Variants in PRKX observed in about 807,000 individuals in gnomAD.
PRKX encodes cAMP-dependent protein kinase catalytic subunit PRKX.
Under a neutral mutation model 22.0 loss-of-function variants are expected in PRKX, and 12 were observed. The ratio of observed to expected loss-of-function variants is 0.54; its 90% confidence interval spans 0.35 to 0.88. The LOEUF (loss-of-function observed/expected upper bound fraction) is 0.88. Among genes scored for constraint, PRKX ranks in the 40% least tolerant of loss-of-function variants. The pLI, the probability that PRKX is intolerant of heterozygous loss-of-function variation, is 0.01. For synonymous variants in PRKX, 134 were observed against 137.7 expected (o/e 0.97, Z 0.19); for missense variants, 217 against 308.0 (o/e 0.70, Z 2.21).
At chrX:3,628,979 G>A (rs1926714049) in intron 4 of PRKX, among the ~76,000 whole-genome samples, 1 of 111,672 alleles carries the variant, frequency 9.0e-6, no homozygotes, top group Non-Finnish European at 1.9e-5. Flanking sequence ...GGCAGAGGTT[G>A]CAGTGAGCTG....
At chrX:3,709,211 G>A (rs1444790198) in intron 1 of PRKX, among the ~76,000 whole-genome samples, 113 of 101,519 alleles carry the variant, frequency 1.1e-3, no homozygotes, top group Middle Eastern at 5.1e-3. Flanking sequence ...AAAGCTGAAC[G>A]AGGTATGTGT....
At chrX:3,642,997 T>C (rs750673423) in intron 3 of PRKX, among the ~76,000 whole-genome samples, 1 of 55,277 alleles carries the variant, frequency 1.8e-5, no homozygotes, top group Non-Finnish European at 2.9e-5. Context: ...AGAGTGAGAC[T>C]CTCTCTCAAA....
intron 2 of PRKX, chrX:3,659,459 A>G (rs1927545124): frequency 9.0e-6 from 1 of 111,119 alleles, no homozygotes; most frequent in East Asian, 2.8e-4. Context: ...GGTTGCAGGA[A>G]TGCCTTCTGC....
chrX:3,675,856 T>C (rs1025703174), intron 1 of PRKX, among the ~76,000 whole-genome samples: 8 of 111,513 alleles, frequency 7.2e-5, no homozygotes, highest in Non-Finnish European at 1.3e-4. Context: ...CACAGCTCAC[T>C]GTAGCCTCTA....
intron 7 of PRKX, among the ~76,000 whole-genome samples, chrX:3,613,273 G>A (rs773435248): frequency 2.2e-4 from 23 of 106,592 alleles, no homozygotes; most frequent in African/African-American, 4.0e-4. Flanking sequence ...TACATACTAC[G>A]CTACTCTAGA....
chrX:3,627,196 A>C (rs1213466273), intron 4 of PRKX, among the ~76,000 whole-genome samples: 2 of 109,563 alleles, frequency 1.8e-5, no homozygotes, highest in Non-Finnish European at 3.8e-5. Flanking sequence ...AGTCTGGCCG[A>C]CATGGTGAAA....
At chrX:3,654,566 C>T (rs1482140102) in intron 3 of PRKX, among the ~76,000 whole-genome samples, 1 of 103,850 alleles carries the variant, frequency 9.6e-6, no homozygotes, top group Non-Finnish European at 1.9e-5. Context: ...CCTCAACTTC[C>T]GGGGCTCAAA....
intron 1 of PRKX, among the ~76,000 whole-genome samples, chrX:3,684,920 G>A (rs1262674256): frequency 3.5e-4 from 39 of 112,044 alleles, no homozygotes; most frequent in African/African-American, 1.2e-3. Flanking sequence ...GGGTTCAAGC[G>A]ATCCTCCGGC....
Position 3,653,708 on chromosome X carries a change from AAT to A in PRKX, c.599+1439_599+1440del, listed in dbSNP as rs1385382217. On this transcript the variant is annotated intron_variant, in intron 3 of 8. Transcript: ENST00000262848. The stretch of plus-strand genomic sequence containing the variant: ...ATATAATATACTATGTGATATATAT[AAT>A]ATATATAATATACTATGTGATATAT... Among the ~76,000 whole-genome samples, 12 of 65,777 alleles carry A rather than the reference AAT, an allele frequency of 1.8e-4. 1 individual carries two copies. The highest frequency in any genetic ancestry group is 2.9e-4 in the African/African-American group (5 of 17,213). The allele number at this position is 65,777 out of a possible 115,157, so 57.1% of individuals were successfully genotyped here. A position where few individuals can be genotyped will look rare whatever the true frequency, so the allele number is the denominator to read the frequency against.
chrX:3,621,502 G>A (rs1308698527), intron 5 of PRKX, among the ~76,000 whole-genome samples, 186 bp from the exon 6 acceptor site: 1 of 112,136 alleles, frequency 8.9e-6, no homozygotes, highest in Admixed American at 9.5e-5. Flanking sequence ...CCTATGCAAG[G>A]CTGGGTTGCC....
At chrX:3,632,031 G>A (rs959019558) in intron 4 of PRKX, among the ~76,000 whole-genome samples, 22 of 111,930 alleles carry the variant, frequency 2.0e-4, no homozygotes, top group Admixed American at 1.7e-3. Context: ...GGAGAAATAT[G>A]AAGTACAAAA....
chrX:3,660,982 A>C (rs1927582814), intron 2 of PRKX, among the ~76,000 whole-genome samples: 1 of 110,036 alleles, frequency 9.1e-6, no homozygotes, highest in Non-Finnish European at 1.9e-5. Context: ...AACTACTGAG[A>C]TGTGTAAGGT....
chrX:3,698,967 C>CT lies in PRKX; in HGVS notation c.166+14120dup, dbSNP rs111433967. ...CCACCATCCCACAACTTCCAAAATT[C>CT]TTTTTTTTTTTTTTTTGAGATGGAG... On this transcript the variant is annotated intron_variant, in intron 1 of 8. Transcript: ENST00000262848. Among the ~76,000 whole-genome samples the CT allele has an allele frequency of 6.8e-3, 617 of 91,036 alleles. 6 individuals are homozygous for CT. The highest frequency in any genetic ancestry group is 0.021 in the African/African-American group (507 of 24,124). The allele number at this position is 91,036 out of a possible 115,157, so 79.1% of individuals were successfully genotyped here. A position where few individuals can be genotyped will look rare whatever the true frequency, so the allele number is the denominator to read the frequency against.
At chrX:3,657,199 TG>T (rs1355009791) in intron 2 of PRKX, among the ~76,000 whole-genome samples, 1 of 112,182 alleles carries the variant, frequency 8.9e-6, no homozygotes, top group East Asian at 2.8e-4. Context: ...GTAAATATCA[TG>T]GTCTCATAAT....
intron 1 of PRKX, among the ~76,000 whole-genome samples, chrX:3,690,429 T>C (rs771795003): frequency 3.5e-5 from 4 of 112,732 alleles, no homozygotes; most frequent in Non-Finnish European, 5.6e-5. Flanking sequence ...AATTACACTT[T>C]CTCATCAGAA....
intron 1 of PRKX, among the ~76,000 whole-genome samples, chrX:3,676,321 C>A (rs191897379): frequency 2.4e-4 from 27 of 111,675 alleles, no homozygotes; most frequent in African/African-American, 8.8e-4. Flanking sequence ...ACGAGCAAAT[C>A]TCACCGATCA....
intron 5 of PRKX, among the ~76,000 whole-genome samples, chrX:3,624,446 T>C (rs1425984013): frequency 9.1e-6 from 1 of 110,109 alleles, no homozygotes; most frequent in Non-Finnish European, 1.9e-5. Context: ...TCGCTGCTGG[T>C]TCCCTACTCT....
intron 2 of PRKX, among the ~76,000 whole-genome samples, chrX:3,660,327 T>A (rs779307138): frequency 1.8e-5 from 2 of 111,821 alleles, no homozygotes; most frequent in Admixed American, 9.6e-5. Context: ...TACTGAACAT[T>A]TGGGGGTAAC....
At chrX:3,623,858 G>C (rs1926608714) in intron 5 of PRKX, among the ~76,000 whole-genome samples, 1 of 111,723 alleles carries the variant, frequency 9.0e-6, no homozygotes, top group South Asian at 3.8e-4. Context: ...TACTGAATTG[G>C]CAACAAGTCC....
Sources: gnomAD v4.1 joint callset for allele counts (sites outside exome capture counted in the v4.1 genomes callset) on GRCh38, gnomAD v4.1.1 for gene constraint, MANE v1.5 for transcripts, NCBI Gene and HGNC (gene_info 2026-07-23, HGNC 2026-07-21) for gene names.